PEBP4: variants seen among roughly 807,000 people sequenced by gnomAD.
PEBP4 encodes the protein phosphatidylethanolamine binding protein 4.
A neutral mutation model predicts 23.9 loss-of-function variants in PEBP4; 22 were observed. That is an observed-to-expected ratio of 0.92 (90% CI 0.66 to 1.31). PEBP4 has a LOEUF of 1.31. Ranked by LOEUF, PEBP4 falls within the 40% of genes most tolerant of loss-of-function variation. The probability of loss-of-function intolerance (pLI) is 0.00; values close to 1 mark genes in which losing one functional copy is unlikely to be tolerated. For missense variants in PEBP4, 324 were observed against 281.7 expected (o/e 1.15, Z -1.07); for synonymous variants, 112 against 99.3 (o/e 1.13, Z -0.76).
chr8:22,845,306 G>A (rs1422003888), intron 3 of PEBP4, among the ~76,000 whole-genome samples: 1 of 151,304 alleles, frequency 6.6e-6, no homozygotes, highest in Admixed American at 6.6e-5. Context: ...GGCCAAGGCA[G>A]GAGGATCACT....
chr8:22,881,169 C>T (rs1563247719), intron 3 of PEBP4, among the ~76,000 whole-genome samples: 1 of 152,256 alleles, frequency 6.6e-6, no homozygotes, highest in Non-Finnish European at 1.5e-5. Context: ...CCATGGGGCC[C>T]CACAGGGCTC....
chr8:22,720,654 C>T (rs938274980), intron 6 of PEBP4, among the ~76,000 whole-genome samples: 12 of 152,342 alleles, frequency 7.9e-5, no homozygotes, highest in Admixed American at 7.8e-4. Context: ...ACAAGCGTCA[C>T]ATAGCTGTCC....
intron 3 of PEBP4, among the ~76,000 whole-genome samples, chr8:22,873,264 G>C (rs1321235609): frequency 6.6e-6 from 1 of 152,104 alleles, no homozygotes; most frequent in African/African-American, 2.4e-5. Context: ...GAAAGGATGC[G>C]ATGAAAAGAT....
At chr8:22,932,567 GAACT>G (rs1451487547), upstream of PEBP4, among the ~76,000 whole-genome samples, 3 of 152,024 alleles carry the variant, frequency 2.0e-5, no homozygotes, top group East Asian at 5.8e-4. Flanking sequence ...AGAATTGGAT[GAACT>G]AACTTTATAG....
At chr8:22,750,298 C>T (rs1460001587) in intron 4 of PEBP4, among the ~76,000 whole-genome samples, 2 of 152,028 alleles carry the variant, frequency 1.3e-5, no homozygotes, top group Admixed American at 6.6e-5. Flanking sequence ...GACGGGGTTT[C>T]ACCACTTTGG....
In PEBP4 at chr8:22,927,888, C is replaced by T. The variant is rs17685420; in HGVS notation, c.-72G>A. 123,139 of 691,456 alleles carry T rather than the reference C, an allele frequency of 0.18. 11,825 individuals are homozygous for T. The highest frequency in any genetic ancestry group is 0.24 in the South Asian group (11,440 of 48,260). 42.8% of individuals were successfully genotyped at this position (691,456 alleles called of 1,614,324 possible). On this transcript the variant is annotated 5_prime_UTR_variant, in exon 1 of 7. It adds an upstream start codon to the 5' untranslated region. Transcript: ENST00000256404. The stretch of plus-strand genomic sequence containing the variant: ...GCTCCGCAGCTAATCCAGTCCACCA[C>T]CCGGACACAAGTACTTTGGGAGGAC...
intron 3 of PEBP4, among the ~76,000 whole-genome samples, chr8:22,869,304 G>A (rs1807962739): frequency 6.6e-6 from 1 of 152,158 alleles, no homozygotes; most frequent in African/African-American, 2.4e-5. Context: ...GTATACTTGT[G>A]TATGTTTTTC....
chr8:22,844,702 C>G (rs528975915), intron 3 of PEBP4, among the ~76,000 whole-genome samples: 1 of 152,214 alleles, frequency 6.6e-6, no homozygotes, highest in Non-Finnish European at 1.5e-5. Flanking sequence ...GGAGAGACCA[C>G]TCCTTCCTAG....
At chr8:22,717,557 G>A (rs1403821434) in intron 6 of PEBP4, among the ~76,000 whole-genome samples, 3 of 152,220 alleles carry the variant, frequency 2.0e-5, no homozygotes, top group South Asian at 2.1e-4. Context: ...ATGGGCCCCC[G>A]TTCAGGTGGG....
intron 3 of PEBP4, among the ~76,000 whole-genome samples, chr8:22,821,992 A>AG (rs1806868277): frequency 6.6e-6 from 1 of 151,052 alleles, no homozygotes; most frequent in Admixed American, 6.6e-5. Flanking sequence ...CTCAAAAAAA[A>AG]AAAAAAAGAG....
rs757843846 is a variant in PEBP4, at chr8:22,927,596, G to T, written c.119C>A (p.Thr40Asn). ...TGCCCTGACTTACTGGCAAAAGAGG[G>T]TGTCCTCGTCCAAGAGGGCCTCATG... Reference protein sequence around the residue: ...CAHEALLDEDTLFCQGLEVFY... With the variant: ...CAHEALLDEDNLFCQGLEVFY... The change falls in exon 2 of 7, where the codon ACC (threonine) becomes AAC (asparagine). Residue 40 changes from threonine to asparagine, a missense_variant. Physicochemically the swap from Thr to Asn is moderately conservative, Grantham distance 65 (BLOSUM62 0). Transcript: ENST00000256404. The T allele has an allele frequency of 7.4e-6, 12 of 1,610,896 alleles. No homozygotes were observed. In the African/African-American group the frequency reaches 1.5e-4, roughly 20 times the overall value.
chr8:22,714,816 T>C (rs1156799360), intron 6 of PEBP4, among the ~76,000 whole-genome samples: 1 of 152,178 alleles, frequency 6.6e-6, no homozygotes, highest in East Asian at 1.9e-4. Context: ...CATTGAAGCG[T>C]TGCTGCCTCC....
intron 3 of PEBP4, among the ~76,000 whole-genome samples, chr8:22,822,455 AAAG>A (rs1284935971): frequency 1.3e-5 from 2 of 152,158 alleles, no homozygotes; most frequent in African/African-American, 4.8e-5. Flanking sequence ...AAGAAAATAA[AAAG>A]AAACAAAGTG....
chr8:22,912,872 C>T (rs17088769), intron 3 of PEBP4, among the ~76,000 whole-genome samples: 29,956 of 152,100 alleles, frequency 0.2, 3,192 homozygotes, highest in Middle Eastern at 0.26. Context: ...ATAAAATGAC[C>T]TGATTCGTCC....
At chr8:22,935,807 A>G (rs1223852002) in intron 1 of PEBP4, among the ~76,000 whole-genome samples, 1 of 152,158 alleles carries the variant, frequency 6.6e-6, no homozygotes, top group Non-Finnish European at 1.5e-5. Context: ...ATATTCTAAA[A>G]TCTGAAAAAT....
At chr8:22,736,454 A>C (rs890174686) in intron 4 of PEBP4, among the ~76,000 whole-genome samples, 2 of 152,046 alleles carry the variant, frequency 1.3e-5, no homozygotes, top group Non-Finnish European at 2.9e-5. Context: ...AATATTAAAA[A>C]AATTAACCAG....
At chr8:22,916,865 G>A (rs1429343868) in intron 3 of PEBP4, among the ~76,000 whole-genome samples, 3 of 152,244 alleles carry the variant, frequency 2.0e-5, no homozygotes, top group Non-Finnish European at 4.4e-5. Context: ...ACACAGGGAA[G>A]TCAAAACCCA....
intron 3 of PEBP4, among the ~76,000 whole-genome samples, chr8:22,829,399 C>T (rs1177897343): frequency 6.6e-6 from 1 of 152,186 alleles, no homozygotes; most frequent in East Asian, 1.9e-4. Context: ...CTCCAATATC[C>T]TTAAATCTCC....
chr8:22,874,128 CG>C (rs1563244979), intron 3 of PEBP4, among the ~76,000 whole-genome samples: 1 of 152,080 alleles, frequency 6.6e-6, no homozygotes, highest in African/African-American at 2.4e-5. Context: ...CACCAGAACA[CG>C]GATGCCAGAA....
Sources: gnomAD v4.1 joint callset for allele counts (sites outside exome capture counted in the v4.1 genomes callset) on GRCh38, gnomAD v4.1.1 for gene constraint, MANE v1.5 for transcripts, NCBI Gene and HGNC (gene_info 2026-07-23, HGNC 2026-07-21) for gene names.